PUM1: variants seen among roughly 807,000 people sequenced by gnomAD.
PUM1 encodes the protein pumilio RNA binding family member 1.
In PUM1, 13 loss-of-function variants were observed where a neutral mutation model predicts 131.8. The ratio of observed to expected loss-of-function variants is 0.10; its 90% confidence interval spans 0.06 to 0.16. The LOEUF (loss-of-function observed/expected upper bound fraction) is 0.16. Among genes scored for constraint, PUM1 ranks in the 10% least tolerant of loss-of-function variants. The pLI is 1.00. For missense variants in PUM1, 961 were observed against 1,512.4 expected (o/e 0.64, Z 6.05); for synonymous variants, 509 against 556.5 (o/e 0.91, Z 1.20).
At chr1:30,987,192 C>CA (rs1035409355) in intron 7 of PUM1, among the ~76,000 whole-genome samples, 14 of 146,404 alleles carry the variant, frequency 9.6e-5, no homozygotes, top group African/African-American at 3.5e-4. Context: ...AACCTAGTAA[C>CA]AAATTTTTTT....
At chr1:30,992,311 C>CA in intron 7 of PUM1, 79 bp downstream of exon 7, 1 of 1,536,478 alleles carries the variant, frequency 6.5e-7, no homozygotes, top group Non-Finnish European at 8.8e-7. Context: ...CCACCTCCCC[C>CA]ATCCCCCCAT....
chr1:31,033,057 GAA>G lies in PUM1; in HGVS notation c.364-4195_364-4194del, dbSNP rs201722845. ...GTCTCTAAAAAAAAATACAAAAAAA[GAA>G]AAAAAAAAACGTTATTTTCCTTGAC... On this transcript the variant is annotated intron_variant, in intron 2 of 21. Coordinates refer to ENST00000426105, the MANE Select transcript of PUM1 (RefSeq NM_001020658.2). Among the ~76,000 whole-genome samples the G allele has an allele frequency of 8.4e-4, 121 of 143,806 alleles. 1 individual carries two copies. Among genetic ancestry groups the G allele is most frequent in the African/African-American group, 2.3e-3 (92 of 39,218 alleles). The allele number at this position is 143,806 out of a possible 152,430, so 94.3% of individuals were successfully genotyped here.
intron 7 of PUM1, among the ~76,000 whole-genome samples, chr1:30,983,158 C>T (rs1389600037): frequency 6.6e-6 from 1 of 152,230 alleles, no homozygotes; most frequent in African/African-American, 2.4e-5. Context: ...TTCTGTTTTA[C>T]TAAAGATGTG....
In PUM1 at chr1:30,941,237, C is replaced by T. The variant is rs1557544504; in HGVS notation, c.3156G>A (p.Leu1052=). ...TTTTATCCTCAGGACGACCGTGCTCCAGTACATGTTGGATTACATAATTTC... is the reference window on the plus strand; with the variant it reads ...TTTTATCCTCAGGACGACCGTGCTCTAGTACATGTTGGATTACATAATTTC... ...QYGNYVIQHV[L]EHGRPEDKSK... The change falls in exon 20 of 22, where the codon CTG becomes CTA. Residue 1052 remains leucine, a synonymous_variant. Coordinates refer to ENST00000426105, the MANE Select transcript of PUM1 (RefSeq NM_001020658.2). 3 of 1,612,162 alleles carry T rather than the reference C, an allele frequency of 1.9e-6. No individual in the cohort carries two copies. The highest frequency in any genetic ancestry group is 1.3e-5 in the African/African-American group (1 of 75,012).
At chr1:31,016,891 T>A (rs2124526820) in intron 3 of PUM1, among the ~76,000 whole-genome samples, 1 of 152,328 alleles carries the variant, frequency 6.6e-6, no homozygotes, top group East Asian at 1.9e-4. Context: ...ACAGATTTTT[T>A]AAAGGTTTTC....
At chr1:31,000,974 C>A (rs547979677) in intron 5 of PUM1, among the ~76,000 whole-genome samples, 103 of 152,122 alleles carry the variant, frequency 6.8e-4, no homozygotes, top group Non-Finnish European at 1.3e-3. Flanking sequence ...ATCACGAGGT[C>A]AGGAGAGCGA....
At chr1:30,934,533 T>C (rs1570065368) in intron 21 of PUM1, among the ~76,000 whole-genome samples, 1 of 152,302 alleles carries the variant, frequency 6.6e-6, no homozygotes, top group East Asian at 1.9e-4. Context: ...CATTCCCACT[T>C]TGGAGCCTAC....
chr1:31,050,419 G>A (rs2124587305), intron 2 of PUM1, among the ~76,000 whole-genome samples: 1 of 152,222 alleles, frequency 6.6e-6, no homozygotes, highest in East Asian at 1.9e-4. Context: ...AGGAGGCAGA[G>A]GTTTCAGTGA....
rs540977018 is a variant in PUM1, at chr1:31,053,494, C to A, written c.363+5710G>T. Among the ~76,000 whole-genome samples the A allele has an allele frequency of 9.5e-5, 13 of 136,194 alleles. No individual in the cohort carries two copies. The East Asian group carries it at 2.4e-3, about 25-fold the overall frequency. 89.3% of individuals were successfully genotyped at this position (136,194 alleles called of 152,430 possible). A position where few individuals can be genotyped will look rare whatever the true frequency, so the allele number is the denominator to read the frequency against. On this transcript the variant is annotated intron_variant, in intron 2 of 21. Coordinates refer to ENST00000426105, the MANE Select transcript of PUM1 (RefSeq NM_001020658.2). ...GGGAGGCCTTTTTTTTTTTTTGAGA[C>A]AGGGTCTCAACTCTGTCACCCAAAA...
intron 21 of PUM1, among the ~76,000 whole-genome samples, chr1:30,935,968 C>T (rs1303611732): frequency 1.6e-5 from 2 of 125,786 alleles, no homozygotes; most frequent in Non-Finnish European, 3.4e-5. Context: ...CACGCCGTGA[C>T]TTGTCAAGAA....
At chr1:30,998,915 T>C (rs1326691563) in intron 5 of PUM1, among the ~76,000 whole-genome samples, 1 of 152,200 alleles carries the variant, frequency 6.6e-6, no homozygotes, top group African/African-American at 2.4e-5. Flanking sequence ...AAGAAAGGTA[T>C]AAATGGGCTA....
intron 1 of PUM1, among the ~76,000 whole-genome samples, chr1:31,060,613 G>A (rs529390367): frequency 2.9e-4 from 44 of 152,146 alleles, no homozygotes; most frequent in Non-Finnish European, 5.4e-4. Context: ...TTGGCCAGGC[G>A]AGGTGGCTCA....
At chr1:31,048,860 C>T (rs1482773253) in intron 2 of PUM1, among the ~76,000 whole-genome samples, 3 of 152,234 alleles carry the variant, frequency 2.0e-5, no homozygotes, top group Admixed American at 2.0e-4. Context: ...CTTTTATTCC[C>T]ATAGTCACAT....
At chr1:31,053,407 T>G (rs1286908719) in intron 2 of PUM1, among the ~76,000 whole-genome samples, 1 of 151,216 alleles carries the variant, frequency 6.6e-6, no homozygotes, top group Non-Finnish European at 1.5e-5. Flanking sequence ...GACCTCAGTT[T>G]GGCCCAAAAA....
At chr1:31,056,389 TC>T (rs1644237693) in intron 2 of PUM1, among the ~76,000 whole-genome samples, 1 of 152,040 alleles carries the variant, frequency 6.6e-6, no homozygotes, top group South Asian at 2.1e-4. Context: ...CAAGCGATTC[TC>T]CTGCCTCAGC....
intron 2 of PUM1, among the ~76,000 whole-genome samples, chr1:31,055,855 C>A (rs1025720898): frequency 3.3e-5 from 5 of 152,154 alleles, no homozygotes; most frequent in Admixed American, 6.5e-5. Flanking sequence ...TAGCAAAGAA[C>A]CTGCCAGGCA....
At chr1:31,015,660 ATTTTTCTTTT>A (rs1486372463) in intron 3 of PUM1, among the ~76,000 whole-genome samples, 17 of 134,642 alleles carry the variant, frequency 1.3e-4, no homozygotes, top group African/African-American at 3.9e-4. Flanking sequence ...TAATTTATTT[ATTTTTCTTTT>A]TTTTTCTTTT....
intron 3 of PUM1, among the ~76,000 whole-genome samples, chr1:31,021,932 T>A (rs977453020): frequency 6.6e-6 from 1 of 151,840 alleles, no homozygotes; most frequent in African/African-American, 2.4e-5. Context: ...ACTTCTCTAA[T>A]CCTTGTTCAC....
intron 18 of PUM1, 95 bp from the exon 19 acceptor site, chr1:30,942,218 T>C (rs1376058441): frequency 5.4e-6 from 1 of 184,904 alleles, no homozygotes; most frequent in East Asian, 2.0e-4. Flanking sequence ...TATATATATA[T>C]ATATATATAT....
Sources: gnomAD v4.1 joint callset for allele counts (sites outside exome capture counted in the v4.1 genomes callset) on GRCh38, gnomAD v4.1.1 for gene constraint, MANE v1.5 for transcripts, NCBI Gene and HGNC (gene_info 2026-07-23, HGNC 2026-07-21) for gene names.